The following LRIG1 variants were observed in gnomAD, a reference collection of about 807,000 sequenced individuals.
The protein encoded by LRIG1 is leucine rich repeats and immunoglobulin like domains 1.
LRIG1 carries 48 observed loss-of-function variants against 99.2 expected under a neutral mutation model. That is an observed-to-expected ratio of 0.48 (90% CI 0.38 to 0.62). The LOEUF is 0.62. Ranked by LOEUF, LRIG1 falls within the 20% of genes least tolerant of loss-of-function variation. The probability of loss-of-function intolerance (pLI) is 0.00; values close to 1 mark genes in which losing one functional copy is unlikely to be tolerated. For missense variants in LRIG1, 1,646 were observed against 1,434.4 expected (o/e 1.15, Z -2.38); for synonymous variants, 772 against 596.1 (o/e 1.29, Z -4.30).
At chr3:66,445,886 C>A (rs1268180658) in intron 3 of LRIG1, among the ~76,000 whole-genome samples, 1 of 152,102 alleles carries the variant, frequency 6.6e-6, no homozygotes, top group East Asian at 1.9e-4. Context: ...GTGCTTCAAG[C>A]CTGATTATTA....
At chr3:66,385,361 G>A (rs956294359) in intron 13 of LRIG1, among the ~76,000 whole-genome samples, 1 of 152,152 alleles carries the variant, frequency 6.6e-6, no homozygotes, top group African/African-American at 2.4e-5. Context: ...CAGGCTAAGG[G>A]GTATTTGGAA....
At chr3:66,443,799 G>A (rs1703626510) in intron 3 of LRIG1, among the ~76,000 whole-genome samples, 1 of 152,202 alleles carries the variant, frequency 6.6e-6, no homozygotes, top group Non-Finnish European at 1.5e-5. Flanking sequence ...AGGAACCCAC[G>A]GTCTCCACCA....
intron 1 of LRIG1, among the ~76,000 whole-genome samples, chr3:66,492,691 A>AAC (rs1354439067): frequency 1.3e-5 from 2 of 152,112 alleles, no homozygotes; most frequent in Non-Finnish European, 2.9e-5. Flanking sequence ...AAACAAACTG[A>AAC]ACAAGCAGTA....
At position 66,379,086 on chromosome 3, in the gene LRIG1, C is replaced by G. The variant is rs771302510; in HGVS notation, c.*1177G>C. 8 of 152,630 alleles carry G rather than the reference C, an allele frequency of 5.2e-5. No homozygotes were observed. Among genetic ancestry groups the G allele is most frequent in the Non-Finnish European group, 1.2e-4 (8 of 68,042 alleles). The allele number at this position is 152,630 out of a possible 1,614,324, so 9.5% of individuals were successfully genotyped here. A position where few individuals can be genotyped will look rare whatever the true frequency, so the allele number is the denominator to read the frequency against. On this transcript the variant is annotated 3_prime_UTR_variant, in exon 19 of 19. Transcript: ENST00000273261. ...ATTGTTAACTATTTTCTCAGTAACT[C>G]CCTTCAGCTTTTGGCCAAAGGAACA...
chr3:66,480,068 C>T (rs999014291), intron 1 of LRIG1, among the ~76,000 whole-genome samples: 1 of 152,172 alleles, frequency 6.6e-6, no homozygotes, highest in African/African-American at 2.4e-5. Context: ...AAAGTGTCCA[C>T]CAACTGATGA....
chr3:66,437,788 G>A (rs1467638744), intron 3 of LRIG1, among the ~76,000 whole-genome samples: 2 of 152,176 alleles, frequency 1.3e-5, no homozygotes, highest in South Asian at 2.1e-4. Context: ...TGTCATAGGT[G>A]CAGTGGCAGA....
chr3:66,473,865 C>A (rs1200949733), intron 1 of LRIG1, among the ~76,000 whole-genome samples: 1 of 152,222 alleles, frequency 6.6e-6, no homozygotes, highest in Non-Finnish European at 1.5e-5. Context: ...ACTTTTTCCA[C>A]TGGGCTTCTT....
intron 14 of LRIG1, 106 bp downstream of exon 14, chr3:66,383,885 G>T: frequency 6.9e-7 from 1 of 1,449,986 alleles, no homozygotes; most frequent in Non-Finnish European, 9.1e-7. Flanking sequence ...AAACAGGGTC[G>T]AAAGGCCCAC....
chr3:66,427,828 T>C (rs1019943356), intron 3 of LRIG1, among the ~76,000 whole-genome samples: 1 of 152,112 alleles, frequency 6.6e-6, no homozygotes, highest in African/African-American at 2.4e-5. Flanking sequence ...AACCTCTAAT[T>C]TCTACCACCC....
Position 66,500,387 on chromosome 3 carries a change from TC to T in LRIG1, c.20del (p.Gly7GlufsTer25). 1 of 1,439,756 alleles carries T rather than the reference TC, an allele frequency of 6.9e-7. No homozygotes were observed. Among genetic ancestry groups the T allele is most frequent in the Non-Finnish European group, 9.0e-7 (1 of 1,105,114 alleles). The allele number at this position is 1,439,756 out of a possible 1,614,324, so 89.2% of individuals were successfully genotyped here. A position where few individuals can be genotyped will look rare whatever the true frequency, so the allele number is the denominator to read the frequency against. On this transcript the variant is annotated frameshift_variant, in exon 1 of 19. Transcript: ENST00000273261. LOFTEE classifies it high-confidence loss of function. The stretch of plus-strand genomic sequence containing the variant: ...GCGAGCGGCGCGGGGCCCCGAGCCC[TC>T]CCCGGACCGGCCGCGCCATCTTGTC... MARPVRGGLGAPRRSPC... is the reference protein window; with the variant it reads MARPVRXGLGAPRRSPC...
chr3:66,424,559 T>C (rs1035626955), intron 3 of LRIG1, among the ~76,000 whole-genome samples: 1 of 152,196 alleles, frequency 6.6e-6, no homozygotes, highest in African/African-American at 2.4e-5. Flanking sequence ...CATAACTAAC[T>C]GCACAGTTCC....
intron 2 of LRIG1, among the ~76,000 whole-genome samples, chr3:66,461,364 A>G (rs1037663464): frequency 3.3e-5 from 5 of 152,362 alleles, no homozygotes; most frequent in African/African-American, 1.2e-4. Flanking sequence ...TACTCATAAC[A>G]AAAATGGGTA....
chr3:66,405,277 C>A lies in LRIG1; in HGVS notation c.1081G>T (p.Asp361Tyr). ...FKGLRSLRVL[D>Y]LDHNEISGTI... ...CCCGAAATCTCGTTATGGTCCAGATCCCTGGGGAGAGGACAGAAAGCAGCT... is the reference window on the plus strand; with the variant it reads ...CCCGAAATCTCGTTATGGTCCAGATACCTGGGGAGAGGACAGAAAGCAGCT... The change falls in exon 9 of 19, where the codon GAT (aspartate) becomes TAT (tyrosine). Residue 361 changes from aspartate to tyrosine, a missense_variant and splice_region_variant. Transcript: ENST00000273261. 6.2e-7 allele frequency: 1 copy of A among 1,613,684 alleles called. No homozygotes were observed. Among genetic ancestry groups the A allele is most frequent in the Non-Finnish European group, 8.5e-7 (1 of 1,179,586 alleles).
chr3:66,476,022 T>A (rs776453452), intron 1 of LRIG1, among the ~76,000 whole-genome samples: 3 of 152,240 alleles, frequency 2.0e-5, no homozygotes, highest in Non-Finnish European at 4.4e-5. Context: ...ATGGTCTATG[T>A]CAGCAATAAT....
chr3:66,425,017 C>T (rs779125777), intron 3 of LRIG1, among the ~76,000 whole-genome samples: 2 of 152,160 alleles, frequency 1.3e-5, no homozygotes, highest in Non-Finnish European at 1.5e-5. Flanking sequence ...ATATTTTCAA[C>T]TTAGGATGGG....
At chr3:66,448,778 T>A (rs1013402939) in intron 3 of LRIG1, among the ~76,000 whole-genome samples, 2 of 152,234 alleles carry the variant, frequency 1.3e-5, no homozygotes, top group Non-Finnish European at 2.9e-5. Flanking sequence ...TCTGATCCTC[T>A]GTCTGCCCAC....
chr3:66,450,225 A>G (rs1459446422), intron 3 of LRIG1, among the ~76,000 whole-genome samples: 1 of 152,078 alleles, frequency 6.6e-6, no homozygotes, highest in Non-Finnish European at 1.5e-5. Context: ...ACAGAGACTG[A>G]CTCTTAAATC....
chr3:66,447,677 G>A (rs939268993), intron 3 of LRIG1, among the ~76,000 whole-genome samples: 1 of 152,170 alleles, frequency 6.6e-6, no homozygotes, highest in Non-Finnish European at 1.5e-5. Context: ...TCCATGCACA[G>A]GAGACAAAAG....
intron 8 of LRIG1, chr3:66,406,012 C>T: frequency 2.0e-6 from 2 of 989,478 alleles, no homozygotes; most frequent in African/African-American, 1.7e-5. Context: ...CCATCCTGCC[C>T]TCTCCAACTT....
Sources: gnomAD v4.1 joint callset for allele counts (sites outside exome capture counted in the v4.1 genomes callset) on GRCh38, gnomAD v4.1.1 for gene constraint, MANE v1.5 for transcripts, NCBI Gene and HGNC (gene_info 2026-07-23, HGNC 2026-07-21) for gene names.